NDUFB4: variants seen among roughly 807,000 people sequenced by gnomAD.
The protein encoded by NDUFB4 is NADH:ubiquinone oxidoreductase subunit B4.
NDUFB4 carries 10 observed loss-of-function variants against 14.5 expected under a neutral mutation model. The ratio of observed to expected loss-of-function variants is 0.69; its 90% CI spans 0.43 to 1.17. The LOEUF (loss-of-function observed/expected upper bound fraction) is 1.17. NDUFB4 is among the 50% of genes most tolerant of loss of function. The pLI is 0.00. For synonymous variants in NDUFB4, 65 were observed against 63.4 expected (o/e 1.03, Z -0.12); for missense variants, 165 against 161.1 (o/e 1.02, Z -0.13).
intron 2 of NDUFB4, chr3:120,601,677 G>C: frequency 9.7e-7 from 1 of 1,030,770 alleles, no homozygotes; most frequent in Non-Finnish European, 1.2e-6. Context: ...TATATGATTG[G>C]AGAGAAAGTC....
intron 2 of NDUFB4, 78 bp downstream of exon 2, chr3:120,601,335 A>G (rs777398926): frequency 8.2e-6 from 13 of 1,590,540 alleles, no homozygotes; most frequent in Non-Finnish European, 1.1e-5. Context: ...CCTTCTCTTG[A>G]AGATTGCCAC....
chr3:120,596,714 C>G (rs1290863383), intron 1 of NDUFB4, 175 bp downstream of exon 1: 2 of 676,376 alleles, frequency 3.0e-6, no homozygotes, highest in Non-Finnish European at 4.9e-6. Context: ...TCGAGAGGAC[C>G]GGCTCTGGAC....
chr3:120,600,109 G>GTT lies in NDUFB4; in HGVS notation c.181-992_181-991dup, dbSNP rs1186301411. 3.8e-4 allele frequency among the ~76,000 whole-genome samples: 50 copies of GTT among 133,324 alleles called. 1 individual carries two copies. Among genetic ancestry groups the GTT allele is most frequent in the Middle Eastern group, 3.8e-3 (1 of 264 alleles). 87.5% of individuals were successfully genotyped at this position (133,324 alleles called of 152,430 possible). A position where few individuals can be genotyped will look rare whatever the true frequency, so the allele number is the denominator to read the frequency against. On this transcript the variant is annotated intron_variant, in intron 1 of 2. Transcript: ENST00000184266. ...GGAACGGAAGCATTTCCATCATAAG[G>GTT]TTTTTTTTTTTGTTTTTTTTTTTTT...
chr3:120,598,651 A>G (rs1940007225), intron 1 of NDUFB4, among the ~76,000 whole-genome samples: 1 of 152,128 alleles, frequency 6.6e-6, no homozygotes, highest in Non-Finnish European at 1.5e-5. Flanking sequence ...CCTCTGTTTG[A>G]AGGTGACATC....
intron 1 of NDUFB4, among the ~76,000 whole-genome samples, chr3:120,599,497 A>C (rs1288564661): frequency 2.6e-5 from 4 of 152,090 alleles, no homozygotes; most frequent in African/African-American, 9.7e-5. Context: ...ATGGCCATAG[A>C]GTTAGCAGGA....
At position 120,596,378 on chromosome 3, in the gene NDUFB4, A is replaced by T. The variant is rs1203933953; in HGVS notation, c.19A>T (p.Lys7Ter). The T allele has an allele frequency of 6.2e-7, 1 of 1,614,166 alleles. No homozygotes were observed. The highest frequency in any genetic ancestry group is 2.2e-5 in the East Asian group (1 of 44,878). ...CGCCAAGATGTCGTTCCCAAAGTAT[A>T]AGCCGTCGAGCCTGCGCACTCTGCC... The part of the protein sequence containing the change: MSFPKY[K>*]PSSLRTLPET... Residue 7 changes from lysine to a stop codon, truncating the protein, a stop_gained, in exon 1 of 3, where the codon AAG becomes TAG. Transcript: ENST00000184266. LOFTEE classifies it high-confidence loss of function.
rs1234787228 is a variant in NDUFB4 at position 120,596,465 on chromosome 3, C to T, written c.106C>T (p.Arg36Trp). The change falls in exon 1 of 3, where the codon CGG (arginine) becomes TGG (tryptophan). Residue 36 changes from arginine to tryptophan, a missense_variant. Physicochemically the swap from Arg to Trp is moderately radical, Grantham distance 101. Coordinates refer to ENST00000184266, the MANE Select transcript of NDUFB4 (RefSeq NM_004547.6). The part of the protein sequence containing the change: ...SPETRRAQAE[R>W]LAIRAQLKRE... ...GGAAACCCGGCGGGCGCAAGCCGAG[C>T]GGTTGGCCATAAGAGCCCAGCTGAA... The T allele has an allele frequency of 2.5e-6, 4 of 1,613,954 alleles. No individual in the cohort carries two copies. Among genetic ancestry groups the T allele is most frequent in the South Asian group, 1.1e-5 (1 of 91,064 alleles).
rs886702368 is a variant in NDUFB4 at position 120,601,103 on chromosome 3, A to G, written c.181-8A>G. ...AGTTCTATAACTTTTTGTTTTCATT[A>G]ATTTTAGGAAAATCCTGCCTTGCTT... is the stretch of plus-strand genomic sequence containing the variant. On this transcript the variant is annotated splice_region_variant and splice_polypyrimidine_tract_variant and intron_variant, in intron 1 of 2. Transcript: ENST00000184266. The G allele has an allele frequency of 1.9e-6, 3 of 1,598,012 alleles. No individual in the cohort carries two copies. In the African/African-American group the frequency reaches 4.1e-5, roughly 22 times the overall value.
Position 120,602,302 on chromosome 3 carries a change from C to G in NDUFB4, c.*32C>G, listed in dbSNP as rs769460838. Reference sequence around the variant, plus strand: ...CAATGATGACTATATGTATTCCTGCCTAAATAAATCATCTATTAATCATTA... The same window carrying G: ...CAATGATGACTATATGTATTCCTGCGTAAATAAATCATCTATTAATCATTA... On this transcript the variant is annotated 3_prime_UTR_variant, in exon 3 of 3. Coordinates refer to ENST00000184266, the MANE Select transcript of NDUFB4 (RefSeq NM_004547.6). 1 of 1,526,392 alleles carries G rather than the reference C, an allele frequency of 6.6e-7. No individual in the cohort carries two copies. 94.6% of individuals were successfully genotyped at this position (1,526,392 alleles called of 1,614,324 possible). A position where few individuals can be genotyped will look rare whatever the true frequency, so the allele number is the denominator to read the frequency against.
chr3:120,601,990 G>A, intron 2 of NDUFB4: 9 of 1,299,592 alleles, frequency 6.9e-6, no homozygotes, highest in Non-Finnish European at 8.8e-6. Flanking sequence ...TTCTTACTGT[G>A]TCTTTAGTTC....
chr3:120,599,657 T>TA (rs1940024913), intron 1 of NDUFB4, among the ~76,000 whole-genome samples: 1 of 152,124 alleles, frequency 6.6e-6, no homozygotes. Flanking sequence ...AACCTCTCAA[T>TA]AACATTACCG....
Position 120,602,387 on chromosome 3 carries a change from T to A in NDUFB4, c.*117T>A. On this transcript the variant is annotated 3_prime_UTR_variant, in exon 3 of 3. Transcript: ENST00000184266. The stretch of plus-strand genomic sequence containing the variant: ...TCAATGTTAAAAACTATTAACACCC[T>A]AACAACACAGAAGCAGACGCAGCCC... 1 of 982,920 alleles carries A rather than the reference T, an allele frequency of 1.0e-6. No individual in the cohort carries two copies. The highest frequency in any genetic ancestry group is 1.5e-6 in the Non-Finnish European group (1 of 666,010). 60.9% of individuals were successfully genotyped at this position (982,920 alleles called of 1,614,324 possible).
intron 1 of NDUFB4, 92 bp downstream of exon 1, chr3:120,596,631 A>G (rs1186543518): frequency 7.3e-7 from 1 of 1,378,362 alleles, no homozygotes; most frequent in Non-Finnish European, 1.0e-6. Flanking sequence ...GCTCCCGATC[A>G]GTATCTCAGA....
chr3:120,601,806 G>A, intron 2 of NDUFB4: 2 of 1,024,522 alleles, frequency 2.0e-6, no homozygotes, highest in Non-Finnish European at 2.3e-6. Context: ...TGGCCCATCT[G>A]CATTCCCATT....
chr3:120,598,496 A>AG (rs949124345), intron 1 of NDUFB4, among the ~76,000 whole-genome samples: 1 of 152,168 alleles, frequency 6.6e-6, no homozygotes, highest in Non-Finnish European at 1.5e-5. Context: ...ACTTTCTAGT[A>AG]GGGGAGACAA....
At chr3:120,601,774 C>G (rs1940068179) in intron 2 of NDUFB4, 2 of 1,014,894 alleles carry the variant, frequency 2.0e-6, no homozygotes, top group Admixed American at 5.6e-5. Flanking sequence ...CTGGAGCCCA[C>G]TCGTCTAGCT....
Position 120,596,454 on chromosome 3 carries a change from C to A in NDUFB4, c.95C>A (p.Ala32Glu). Residue 32 changes from alanine to glutamate, a missense_variant, in exon 1 of 3, where the codon GCG becomes GAG. Ala to Glu is a moderately radical substitution (Grantham distance 107). Coordinates refer to ENST00000184266, the MANE Select transcript of NDUFB4 (RefSeq NM_004547.6). ...AACATATCTCCGGAAACCCGGCGGG[C>A]GCAAGCCGAGCGGTTGGCCATAAGA... ...EYNISPETRRAQAERLAIRAQ... is the reference protein window; with the variant it reads ...EYNISPETRREQAERLAIRAQ... 1 of 1,614,026 alleles carries A rather than the reference C, an allele frequency of 6.2e-7. No homozygotes were observed.
chr3:120,601,824 G>A (rs914537024), intron 2 of NDUFB4: 26 of 1,025,408 alleles, frequency 2.5e-5, no homozygotes, highest in East Asian at 1.0e-4. Context: ...ATTAGAGTTC[G>A]TGTATTTTGA....
At chr3:120,599,371 G>A (rs1157601409) in intron 1 of NDUFB4, among the ~76,000 whole-genome samples, 1 of 152,072 alleles carries the variant, frequency 6.6e-6, no homozygotes, top group East Asian at 1.9e-4. Flanking sequence ...ATTATTTAAA[G>A]TTATCTGACC....
Sources: allele counts gnomAD v4.1 joint callset (sites outside exome capture counted in the v4.1 genomes callset), GRCh38; gene constraint gnomAD v4.1.1; transcripts MANE v1.5; gene names NCBI Gene and HGNC (gene_info 2026-07-23, HGNC 2026-07-21).